Variants in SLC38A6 observed in about 807,000 individuals in gnomAD.
SLC38A6 encodes solute carrier family 38 member 6, also known as N system amino acid transporter NAT-1.
A neutral mutation model predicts 65.0 loss-of-function variants in SLC38A6; 73 were observed. The observed-to-expected ratio is 1.12, with a 90% CI of 0.93 to 1.37. The LOEUF is 1.37. SLC38A6 is among the 40% of genes most tolerant of loss of function. The probability of loss-of-function intolerance (pLI) is 0.00; values close to 1 mark genes in which losing one functional copy is unlikely to be tolerated. For synonymous variants in SLC38A6, 183 were observed against 178.8 expected (o/e 1.02, Z -0.19); for missense variants, 561 against 531.1 (o/e 1.06, Z -0.55).
At chr14:61,066,564 T>C (rs1442507319) in intron 15 of SLC38A6, among the ~76,000 whole-genome samples, 1 of 151,918 alleles carries the variant, frequency 6.6e-6, no homozygotes, top group Non-Finnish European at 1.5e-5. Context: ...TAATATGGGA[T>C]GCTATAAAGA....
In SLC38A6 at chr14:60,981,390, G is replaced by T. The variant is rs752388903; in HGVS notation, c.105+8G>T. The stretch of plus-strand genomic sequence containing the variant: ...AGTCCGTTGCTAAGCAACGTAAGTG[G>T]GCTGTGTTCGCTTCCCCGCGCTGAC... On this transcript the variant is annotated splice_region_variant and intron_variant, in intron 1 of 15. Coordinates refer to ENST00000267488, the MANE Select transcript of SLC38A6 (RefSeq NM_153811.3). 1.3e-6 allele frequency: 2 copies of T among 1,584,340 alleles called. No individual in the cohort carries two copies. Among genetic ancestry groups the T allele is most frequent in the Admixed American group, 1.8e-5 (1 of 55,268 alleles).
intron 15 of SLC38A6, among the ~76,000 whole-genome samples, chr14:61,076,359 C>G (rs918442375): frequency 6.6e-6 from 1 of 152,230 alleles, no homozygotes; most frequent in Non-Finnish European, 1.5e-5. Context: ...TAATATGACA[C>G]TACTGAGCTG....
chr14:61,007,802 T>C (rs1353999532), intron 3 of SLC38A6, among the ~76,000 whole-genome samples: 3 of 152,140 alleles, frequency 2.0e-5, no homozygotes, highest in Non-Finnish European at 4.4e-5. Context: ...ATGTACATAA[T>C]TTTCAGGTTT....
At chr14:61,029,398 G>A (rs1255881009) in intron 5 of SLC38A6, among the ~76,000 whole-genome samples, 5 of 151,864 alleles carry the variant, frequency 3.3e-5, no homozygotes, top group Non-Finnish European at 5.9e-5. Context: ...CTCGTCAACC[G>A]CCCGCCTTGG....
At chr14:61,015,490 G>A (rs1427295911) in intron 3 of SLC38A6, among the ~76,000 whole-genome samples, 2 of 149,108 alleles carry the variant, frequency 1.3e-5, no homozygotes, top group Admixed American at 6.8e-5. Context: ...CTTTTAATAT[G>A]TACAGCTTGA....
chr14:61,036,864 A>C (rs1046129245), intron 6 of SLC38A6, among the ~76,000 whole-genome samples, 195 bp from the exon 7 acceptor site: 1 of 152,012 alleles, frequency 6.6e-6, no homozygotes, highest in Admixed American at 6.6e-5. Flanking sequence ...TCATTTCTAA[A>C]TGTCAATTCA....
intron 8 of SLC38A6, among the ~76,000 whole-genome samples, chr14:61,041,461 A>G (rs2041809078): frequency 6.6e-6 from 1 of 152,252 alleles, no homozygotes; most frequent in African/African-American, 2.4e-5. Context: ...GCTTTGAAAT[A>G]TTTTGATTTG....
At chr14:60,999,142 G>T (rs10135773) in intron 3 of SLC38A6, among the ~76,000 whole-genome samples, 103,659 of 152,046 alleles carry the variant, frequency 0.68, 35,516 homozygotes, top group Non-Finnish European at 0.7. Context: ...GGAATTTGTA[G>T]TTTTTGCTGA....
intron 8 of SLC38A6, 56 bp downstream of exon 8, chr14:61,037,739 G>A: frequency 8.3e-7 from 1 of 1,198,344 alleles, no homozygotes; most frequent in South Asian, 1.5e-5. Context: ...GACTCATTGT[G>A]TTAGTCTTTT....
chr14:60,999,418 G>A (rs2038543552), intron 3 of SLC38A6, among the ~76,000 whole-genome samples: 2 of 151,822 alleles, frequency 1.3e-5, no homozygotes, highest in South Asian at 2.1e-4. Context: ...TCTTTTTTAA[G>A]GCAAAAAGGT....
rs376375699 is a variant in SLC38A6, at chr14:61,051,967, A to G, written c.1195+36A>G. On this transcript the variant is annotated intron_variant, in intron 14 of 15. Coordinates refer to ENST00000267488, the MANE Select transcript of SLC38A6 (RefSeq NM_153811.3). ...TGTTTCAAAAAGTTCACATAATAAA[A>G]TTGATAAAATTGCTACCCAGCCTCA... 3.1e-6 allele frequency: 5 copies of G among 1,602,558 alleles called. No homozygotes were observed. The African/African-American group carries it at 6.7e-5, about 22-fold the overall frequency.
At chr14:61,010,684 G>A (rs1382879636) in intron 3 of SLC38A6, among the ~76,000 whole-genome samples, 2 of 152,162 alleles carry the variant, frequency 1.3e-5, no homozygotes, top group Admixed American at 6.5e-5. Flanking sequence ...TCAAAGTTCA[G>A]ATAGTTGTAG....
In SLC38A6 at chr14:61,040,541, G is replaced by A. The variant is rs140258751; in HGVS notation, c.625-2606G>A. Among the ~76,000 whole-genome samples, 753 of 152,048 alleles carry A rather than the reference G, an allele frequency of 5.0e-3. 6 individuals carry two copies. Among genetic ancestry groups the A allele is most frequent in the African/African-American group, 0.017 (715 of 41,474 alleles). On this transcript the variant is annotated intron_variant, in intron 8 of 15. Coordinates refer to ENST00000267488, the MANE Select transcript of SLC38A6 (RefSeq NM_153811.3). ...TTTTTAGTAGAGACAGGGTTTGACC[G>A]TGTTAGCCAGGATGGTCTCGATCTC... is the stretch of plus-strand genomic sequence containing the variant.
In SLC38A6 at chr14:60,984,731, T is replaced by G; in HGVS notation, c.238T>G (p.Phe80Val). Residue 80 changes from phenylalanine (F) to valine (V), a missense_variant and splice_region_variant, in exon 3 of 16, where the codon TTC becomes GTC. Transcript: ENST00000267488. Reference protein sequence around the residue: ...LANTGVFGFSFLLLTVALLAS... With the variant: ...LANTGVFGFSVLLLTVALLAS... Reference sequence around the variant, plus strand: ...ACCAGGTGTTCTTTTATGTTTTAGCTTCTTGCTGCTGACAGTTGCTCTCCT... The same window carrying G: ...ACCAGGTGTTCTTTTATGTTTTAGCGTCTTGCTGCTGACAGTTGCTCTCCT... The G allele has an allele frequency of 6.2e-7, 1 of 1,613,992 alleles. No individual in the cohort carries two copies. The highest frequency in any genetic ancestry group is 8.5e-7 in the Non-Finnish European group (1 of 1,179,900).
chr14:61,037,565 A>T, intron 7 of SLC38A6, 60 bp from the exon 8 acceptor site: 1 of 1,176,420 alleles, frequency 8.5e-7, no homozygotes, highest in African/African-American at 1.5e-5. Context: ...GTATAGCTTT[A>T]GTTGTACGTT....
In SLC38A6 at chr14:61,025,363, G is replaced by C. The variant is rs112521282; in HGVS notation, c.404-5082G>C. ...CTAGTAAAGTACTAAGAGTGTTTCAGATATACTAGTTTGTATTGTCTCTTG... is the reference window on the plus strand; with the variant it reads ...CTAGTAAAGTACTAAGAGTGTTTCACATATACTAGTTTGTATTGTCTCTTG... On this transcript the variant is annotated intron_variant, in intron 5 of 15. Transcript: ENST00000267488. Among the ~76,000 whole-genome samples, 523 of 152,160 alleles carry C rather than the reference G, an allele frequency of 3.4e-3. 4 individuals carry two copies. The highest frequency in any genetic ancestry group is 0.012 in the African/African-American group (498 of 41,530).
chr14:61,017,330 C>T (rs1040311913), intron 4 of SLC38A6, among the ~76,000 whole-genome samples: 19 of 152,262 alleles, frequency 1.2e-4, no homozygotes, highest in South Asian at 2.1e-4. Flanking sequence ...TTAGCCACCG[C>T]GCCCGGCCCT....
intron 15 of SLC38A6, 76 bp from the exon 16 acceptor site, chr14:61,052,273 C>T: frequency 7.4e-7 from 1 of 1,347,740 alleles, no homozygotes; most frequent in Non-Finnish European, 1.0e-6. Context: ...AGAGATTTAA[C>T]AAATAATCCA....
chr14:61,044,823 G>C (rs2042038013), intron 10 of SLC38A6, among the ~76,000 whole-genome samples: 1 of 152,076 alleles, frequency 6.6e-6, no homozygotes, highest in African/African-American at 2.4e-5. Context: ...CATTGAAAGA[G>C]ATCCTAATCA....
Sources: gnomAD v4.1 joint callset for allele counts (sites outside exome capture counted in the v4.1 genomes callset) on GRCh38, gnomAD v4.1.1 for gene constraint, MANE v1.5 for transcripts, NCBI Gene and HGNC (gene_info 2026-07-23, HGNC 2026-07-21) for gene names.